Variants in TSG101 observed in about 807,000 individuals in gnomAD.
TSG101 encodes the protein tumor susceptibility gene 101 protein.
In TSG101, 19 loss-of-function variants were observed where a neutral mutation model predicts 48.5. The ratio of observed to expected loss-of-function variants is 0.39; its 90% confidence interval spans 0.27 to 0.58. The LOEUF (loss-of-function observed/expected upper bound fraction) is 0.58. Among genes scored for constraint, TSG101 ranks in the 20% least tolerant of loss-of-function variants. The pLI is 0.55. For synonymous variants in TSG101, 174 were observed against 169.4 expected (o/e 1.03, Z -0.21); for missense variants, 365 against 484.4 (o/e 0.75, Z 2.31).
At chr11:18,523,752 T>C (rs1850320204) in intron 1 of TSG101, among the ~76,000 whole-genome samples, 1 of 152,222 alleles carries the variant, frequency 6.6e-6, no homozygotes, top group Non-Finnish European at 1.5e-5. Flanking sequence ...TCCGCCCACC[T>C]CAGCCTCCCA....
intron 7 of TSG101, among the ~76,000 whole-genome samples, chr11:18,501,982 G>A (rs1268266468): frequency 1.3e-5 from 2 of 152,206 alleles, no homozygotes; most frequent in Non-Finnish European, 2.9e-5. Flanking sequence ...CAGGTAGTGG[G>A]AGATAGGCAT....
chr11:18,511,361 A>T (rs1229634804), intron 4 of TSG101: 1 of 152,294 alleles, frequency 6.6e-6, no homozygotes, highest in Non-Finnish European at 1.5e-5. Flanking sequence ...TTCAATTTTG[A>T]CCTAACTCAT....
chr11:18,522,837 G>C (rs1350206070), intron 1 of TSG101, among the ~76,000 whole-genome samples: 1 of 152,110 alleles, frequency 6.6e-6, no homozygotes. Flanking sequence ...TTCTGTCTAT[G>C]AGTCTTTGCA....
intron 2 of TSG101, among the ~76,000 whole-genome samples, chr11:18,518,529 C>T (rs1850216573): frequency 6.6e-6 from 1 of 152,084 alleles, no homozygotes; most frequent in Admixed American, 6.6e-5. Context: ...AAGGAAAACT[C>T]CAAGCGTTGT....
chr11:18,492,833 T>C (rs557227673), intron 7 of TSG101, among the ~76,000 whole-genome samples: 2 of 151,656 alleles, frequency 1.3e-5, no homozygotes, highest in Admixed American at 6.6e-5. Flanking sequence ...ACCCAGAGTT[T>C]TTCAAAGAAG....
chr11:18,501,134 G>A (rs1849880387), intron 7 of TSG101, among the ~76,000 whole-genome samples: 1 of 152,116 alleles, frequency 6.6e-6, no homozygotes, highest in African/African-American at 2.4e-5. Context: ...TAGTATCATC[G>A]CAGTAGTCTA....
At position 18,489,227 on chromosome 11, in the gene TSG101, A is replaced by AT. The variant is rs113489427; in HGVS notation, c.641-5156dup. Among the ~76,000 whole-genome samples, 914 of 142,254 alleles carry AT rather than the reference A, an allele frequency of 6.4e-3. 4 individuals are homozygous for AT. The highest frequency in any genetic ancestry group is 0.023 in the East Asian group (111 of 4,928). The allele number at this position is 142,254 out of a possible 152,430, so 93.3% of individuals were successfully genotyped here. A position where few individuals can be genotyped will look rare whatever the true frequency, so the allele number is the denominator to read the frequency against. On this transcript the variant is annotated intron_variant, in intron 7 of 9. Coordinates refer to ENST00000251968, the MANE Select transcript of TSG101 (RefSeq NM_006292.4). Reference sequence around the variant, plus strand: ...GGCAATCTCTACAGAACATCATTCTATTTTTTTTTTTTTTTGGAGATGAGG... The same window carrying AT: ...GGCAATCTCTACAGAACATCATTCTATTTTTTTTTTTTTTTTGGAGATGAGG...
intron 7 of TSG101, among the ~76,000 whole-genome samples, chr11:18,495,787 T>C (rs747273263): frequency 3.3e-5 from 5 of 152,036 alleles, no homozygotes; most frequent in Middle Eastern, 6.8e-3. Context: ...AAGATGTCTA[T>C]AGCACTCTGA....
intron 8 of TSG101, among the ~76,000 whole-genome samples, chr11:18,482,902 G>A (rs1380288342): frequency 1.3e-5 from 2 of 152,110 alleles, no homozygotes; most frequent in East Asian, 3.8e-4. Flanking sequence ...CACTCAAACA[G>A]TCCTCCTTTG....
At chr11:18,526,383 T>C (rs781525384) in intron 1 of TSG101, among the ~76,000 whole-genome samples, 1 of 152,358 alleles carries the variant, frequency 6.6e-6, no homozygotes, top group Middle Eastern at 3.4e-3. Flanking sequence ...GGAGGATCCC[T>C]AGATTGGGAC....
intron 7 of TSG101, among the ~76,000 whole-genome samples, chr11:18,492,509 A>G (rs1197269721): frequency 1.3e-5 from 2 of 152,220 alleles, no homozygotes; most frequent in African/African-American, 4.8e-5. Context: ...TGGAATTTAC[A>G]TTCTGTTTCT....
At chr11:18,518,596 C>T (rs1264338071) in intron 2 of TSG101, among the ~76,000 whole-genome samples, 1 of 152,166 alleles carries the variant, frequency 6.6e-6, no homozygotes, top group Admixed American at 6.5e-5. Context: ...TGCTTACCTA[C>T]TCTACAGAAT....
chr11:18,525,663 G>A, intron 1 of TSG101: 1 of 984,298 alleles, frequency 1.0e-6, no homozygotes. Flanking sequence ...ATCTTTACCT[G>A]GGTCACAATC....
At chr11:18,483,011 G>A (rs1175712668) in intron 8 of TSG101, among the ~76,000 whole-genome samples, 2 of 148,664 alleles carry the variant, frequency 1.3e-5, no homozygotes, top group South Asian at 2.3e-4. Flanking sequence ...GTATCTCACA[G>A]AAAGGGACCT....
At chr11:18,496,497 TAAAATA>T (rs1849785351) in intron 7 of TSG101, among the ~76,000 whole-genome samples, 2 of 107,310 alleles carry the variant, frequency 1.9e-5, no homozygotes, top group Non-Finnish European at 4.2e-5. Context: ...TAAAATAAAA[TAAAATA>T]AAATAAATCT....
chr11:18,483,688 G>A lies in TSG101; in HGVS notation c.843+182C>T, dbSNP rs1465393370. 25 of 663,098 alleles carry A rather than the reference G, an allele frequency of 3.8e-5. 1 individual carries two copies. The South Asian group carries it at 4.7e-4, about 12-fold the overall frequency. The allele number at this position is 663,098 out of a possible 1,614,324, so 41.1% of individuals were successfully genotyped here. ...AAATATTATACCCCTCCCAATCTAA[G>A]ACCAAATGCCAAACATAGGCTCCAC... On this transcript the variant is annotated intron_variant, in intron 8 of 9. Coordinates refer to ENST00000251968, the MANE Select transcript of TSG101 (RefSeq NM_006292.4).
At chr11:18,513,931 CT>C (rs1260650053) in intron 4 of TSG101, among the ~76,000 whole-genome samples, 1 of 152,030 alleles carries the variant, frequency 6.6e-6, no homozygotes, top group African/African-American at 2.4e-5. Flanking sequence ...AAATACAAAA[CT>C]TTTGTATTTG....
intron 7 of TSG101, 40 bp downstream of exon 7, chr11:18,502,444 CTT>C (rs781547485): frequency 1.3e-6 from 2 of 1,537,268 alleles, no homozygotes; most frequent in Non-Finnish European, 1.8e-6. Flanking sequence ...GGGAGTTAGA[CTT>C]TGCTTATATG....
At chr11:18,500,148 A>C (rs551826569) in intron 7 of TSG101, among the ~76,000 whole-genome samples, 7 of 152,250 alleles carry the variant, frequency 4.6e-5, no homozygotes, top group African/African-American at 1.7e-4. Flanking sequence ...ATGTTGCTAC[A>C]ATGACGTTTT....
Sources: gnomAD v4.1 joint callset for allele counts (sites outside exome capture counted in the v4.1 genomes callset) on GRCh38, gnomAD v4.1.1 for gene constraint, MANE v1.5 for transcripts, NCBI Gene and HGNC (gene_info 2026-07-23, HGNC 2026-07-21) for gene names.